TCP11L1: variants seen among roughly 807,000 people sequenced by gnomAD.
The protein encoded by TCP11L1 is t-complex 11 like 1.
TCP11L1 carries 28 observed loss-of-function variants against 48.9 expected under a neutral mutation model. The ratio of observed to expected loss-of-function variants is 0.57; its 90% CI spans 0.42 to 0.78. The LOEUF is 0.78. Ranked by LOEUF, TCP11L1 falls within the 30% of genes least tolerant of loss-of-function variation. TCP11L1 has a pLI of 0.00. For synonymous variants in TCP11L1, 204 were observed against 231.9 expected (o/e 0.88, Z 1.09); for missense variants, 505 against 613.4 (o/e 0.82, Z 1.87).
At chr11:33,042,530 G>T (rs1036005801) in intron 1 of TCP11L1, among the ~76,000 whole-genome samples, 2 of 152,144 alleles carry the variant, frequency 1.3e-5, no homozygotes, top group Admixed American at 6.5e-5. Context: ...CCACCCAACT[G>T]CATACATTAT....
intron 7 of TCP11L1, among the ~76,000 whole-genome samples, chr11:33,065,609 C>G (rs1564986697): frequency 6.6e-6 from 1 of 152,190 alleles, no homozygotes; most frequent in African/African-American, 2.4e-5. Context: ...ACACCCAGGC[C>G]TGTCTGTGTT....
intron 3 of TCP11L1, among the ~76,000 whole-genome samples, chr11:33,056,115 A>T (rs1158411845): frequency 6.6e-6 from 1 of 151,424 alleles, no homozygotes; most frequent in Admixed American, 6.6e-5. Flanking sequence ...TGCGCCAGCC[A>T]TTGTTGTTTT....
intron 7 of TCP11L1, among the ~76,000 whole-genome samples, chr11:33,062,135 T>C (rs1854486308): frequency 6.6e-6 from 1 of 152,138 alleles, no homozygotes; most frequent in Non-Finnish European, 1.5e-5. Context: ...AAGAATAGCT[T>C]TATTCTGATA....
intron 3 of TCP11L1, among the ~76,000 whole-genome samples, chr11:33,055,397 A>G (rs1292099495): frequency 2.0e-5 from 3 of 152,332 alleles, no homozygotes; most frequent in East Asian, 1.9e-4. Flanking sequence ...CCTTCCTGGC[A>G]AGAGCAAAAA....
chr11:33,065,823 A>G lies in TCP11L1; in HGVS notation c.973-7A>G. On this transcript the variant is annotated splice_region_variant and splice_polypyrimidine_tract_variant and intron_variant, in intron 7 of 9. Coordinates refer to ENST00000334274, the MANE Select transcript of TCP11L1 (RefSeq NM_018393.4). The stretch of plus-strand genomic sequence containing the variant: ...AGCTCAGCGATGGCCTCTTCTATTC[A>G]TTACAGACAGTTTTAATGGACCAGT... The G allele has an allele frequency of 2.5e-6, 4 of 1,613,094 alleles. No homozygotes were observed. The South Asian group carries it at 4.4e-5, about 18-fold the overall frequency.
rs763388860 is a variant in TCP11L1, at chr11:33,059,108, T to C, written c.775+13T>C. The C allele has an allele frequency of 2.1e-5, 34 of 1,611,748 alleles. No homozygotes were observed. The highest frequency in any genetic ancestry group is 2.8e-5 in the Non-Finnish European group (33 of 1,179,300). The stretch of plus-strand genomic sequence containing the variant: ...GAGAGGCAACCAAGTATGTTGAATA[T>C]TTTGTGGTACTTTTTTTGTTGTCTG... On this transcript the variant is annotated intron_variant, in intron 6 of 9. Transcript: ENST00000334274.
At chr11:33,046,518 G>A (rs1314241904) in intron 2 of TCP11L1, among the ~76,000 whole-genome samples, 1 of 145,346 alleles carries the variant, frequency 6.9e-6, no homozygotes, top group Non-Finnish European at 1.5e-5. Context: ...ACATTTGTTT[G>A]TATATGCATG....
rs184963584 is a variant in TCP11L1, at chr11:33,070,349, G to A, written c.1327+1490G>A. ...GAACAATACAAAGATTTCTACTTCA[G>A]TGAGGCTGCCAGCCCTGGGAACCTT... On this transcript the variant is annotated intron_variant, in intron 9 of 9. Transcript: ENST00000334274. Among the ~76,000 whole-genome samples the A allele has an allele frequency of 2.6e-5, 4 of 152,208 alleles. No individual in the cohort carries two copies. In the East Asian group the frequency reaches 5.8e-4, roughly 22 times the overall value.
intron 1 of TCP11L1, 73 bp from the exon 2 acceptor site, chr11:33,043,677 C>T: frequency 7.5e-7 from 1 of 1,326,914 alleles, no homozygotes; most frequent in Admixed American, 2.4e-5. Context: ...ATGATTTGCC[C>T]TGAGTCACAT....
chr11:33,042,224 G>C (rs560569763), intron 1 of TCP11L1, among the ~76,000 whole-genome samples: 2 of 152,078 alleles, frequency 1.3e-5, no homozygotes, highest in Non-Finnish European at 2.9e-5. Context: ...TCTGCCTCCC[G>C]GGTTCATGCC....
At position 33,072,790 on chromosome 11, in the gene TCP11L1, A is replaced by G. The variant is rs1346263512; in HGVS notation, c.*114A>G. 9.0e-7 allele frequency: 1 copy of G among 1,114,566 alleles called. No individual in the cohort carries two copies. Among genetic ancestry groups the G allele is most frequent in the Non-Finnish European group, 1.3e-6 (1 of 759,628 alleles). 69.0% of individuals were successfully genotyped at this position (1,114,566 alleles called of 1,614,324 possible). A position where few individuals can be genotyped will look rare whatever the true frequency, so the allele number is the denominator to read the frequency against. ...AGTACATGTCTATTTAACAGCACCG[A>G]TTCCAAAGGGAAGAATATTGTGTAT... On this transcript the variant is annotated 3_prime_UTR_variant, in exon 10 of 10. Coordinates refer to ENST00000334274, the MANE Select transcript of TCP11L1 (RefSeq NM_018393.4).
At chr11:33,060,300 C>T (rs1459602000) in intron 6 of TCP11L1, among the ~76,000 whole-genome samples, 1 of 152,164 alleles carries the variant, frequency 6.6e-6, no homozygotes, top group Admixed American at 6.5e-5. Context: ...AGCTACAGTG[C>T]CTGCATCTAG....
Position 33,057,213 on chromosome 11 carries a change from A to T in TCP11L1, c.395A>T (p.Lys132Ile), listed in dbSNP as rs377129017. ...EDPPAYDHAI[K>I]LVGEIKETLL... Reference sequence around the variant, plus strand: ...CCCCCAGCATATGACCATGCTATCAAACTTGTAGGAGAAATCAAAGAGGTG... The same window carrying T: ...CCCCCAGCATATGACCATGCTATCATACTTGTAGGAGAAATCAAAGAGGTG... The change falls in exon 4 of 10, where the codon AAA (lysine) becomes ATA (isoleucine). Residue 132 changes from lysine to isoleucine, a missense_variant. By Grantham distance (102) the Lys-to-Ile change is moderately radical. Around this residue, in one of 3 missense-constraint regions of TCP11L1, gnomAD observed 168 missense variants for 183.5 expected, o/e 0.92. Coordinates refer to ENST00000334274, the MANE Select transcript of TCP11L1 (RefSeq NM_018393.4). 4 of 1,614,010 alleles carry T rather than the reference A, an allele frequency of 2.5e-6. No individual in the cohort carries two copies. In the African/African-American group the frequency reaches 4.0e-5, roughly 16 times the overall value.
intron 2 of TCP11L1, 103 bp from the exon 3 acceptor site, chr11:33,054,490 C>G: frequency 7.3e-7 from 1 of 1,372,300 alleles, no homozygotes; most frequent in Non-Finnish European, 1.0e-6. Context: ...TTAATAGACG[C>G]AATAACTGAA....
intron 7 of TCP11L1, among the ~76,000 whole-genome samples, chr11:33,063,173 T>G (rs1401132607): frequency 6.6e-6 from 1 of 152,218 alleles, no homozygotes; most frequent in Non-Finnish European, 1.5e-5. Flanking sequence ...CTCCTTTCTT[T>G]TTTAGGCTGA....
chr11:33,051,823 T>A (rs1564978016), intron 2 of TCP11L1, among the ~76,000 whole-genome samples: 1 of 152,256 alleles, frequency 6.6e-6, no homozygotes, highest in Non-Finnish European at 1.5e-5. Flanking sequence ...CCTGAATTTC[T>A]ATATATCCTT....
At chr11:33,065,689 C>T in intron 7 of TCP11L1, 141 bp from the exon 8 acceptor site, 1 of 924,748 alleles carries the variant, frequency 1.1e-6, no homozygotes, top group Non-Finnish European at 1.6e-6. Flanking sequence ...TTATTTCACA[C>T]CAGACTCCCT....
chr11:33,041,404 G>A (rs1165743777), intron 1 of TCP11L1: 2 of 152,348 alleles, frequency 1.3e-5, no homozygotes, highest in African/African-American at 2.4e-5. Context: ...GTGGGGTGTT[G>A]GAAGCTAAGA....
At chr11:33,058,655 A>T (rs771789785) in intron 5 of TCP11L1, among the ~76,000 whole-genome samples, 2 of 152,188 alleles carry the variant, frequency 1.3e-5, no homozygotes, top group Non-Finnish European at 2.9e-5. Context: ...ATACATAGAT[A>T]TATTTTTTAT....
Sources: allele counts gnomAD v4.1 joint callset (sites outside exome capture counted in the v4.1 genomes callset), GRCh38; gene constraint gnomAD v4.1.1; regional missense constraint gnomAD v4.1.1; transcripts MANE v1.5; gene names NCBI Gene and HGNC (gene_info 2026-07-23, HGNC 2026-07-21).